The following LHFPL6 variants were observed in gnomAD, a reference collection of about 807,000 sequenced individuals.
The protein encoded by LHFPL6 is LHFPL tetraspan subfamily member 6 protein.
Under a neutral mutation model 20.6 loss-of-function variants are expected in LHFPL6, and 9 were observed. The observed-to-expected ratio is 0.44, with a 90% CI of 0.26 to 0.76. LHFPL6 has a LOEUF of 0.76. Ranked by LOEUF, LHFPL6 falls within the 30% of genes least tolerant of loss-of-function variation. The probability of loss-of-function intolerance (pLI) is 0.20; values close to 1 mark genes in which losing one functional copy is unlikely to be tolerated. For missense variants in LHFPL6, 218 were observed against 253.5 expected, an observed-to-expected ratio of 0.86 and a Z score of 0.95; for synonymous variants, 105 against 98.7, an observed-to-expected ratio of 1.06 and a Z score of -0.38.
At chr13:39,560,667 C>A (rs927271498) in intron 2 of LHFPL6, among the ~76,000 whole-genome samples, 1 of 151,968 alleles carries the variant, frequency 6.6e-6, no homozygotes, top group Non-Finnish European at 1.5e-5. Context: ...GGTGCCCGCC[C>A]CCACGCCCGG....
In LHFPL6 at chr13:39,585,428, C is replaced by T. The variant is rs576253122; in HGVS notation, c.385+15404G>A. On this transcript the variant is annotated intron_variant, in intron 2 of 3. Transcript: ENST00000379589. ...CAATGCAATTGGCTCTTGGGACATA[C>T]CATGAGCATTAACTCATAGACAACA... Among the ~76,000 whole-genome samples, 4 of 152,272 alleles carry T rather than the reference C, an allele frequency of 2.6e-5. No individual in the cohort carries two copies. In the East Asian group the frequency reaches 7.7e-4, roughly 29 times the overall value.
chr13:39,531,791 C>G (rs887790201), intron 2 of LHFPL6, among the ~76,000 whole-genome samples: 4 of 152,072 alleles, frequency 2.6e-5, no homozygotes, highest in Non-Finnish European at 5.9e-5. Flanking sequence ...TATCATATTA[C>G]AGAACATAAT....
At chr13:39,570,925 C>T (rs956616486) in intron 2 of LHFPL6, among the ~76,000 whole-genome samples, 11 of 152,210 alleles carry the variant, frequency 7.2e-5, no homozygotes, top group Admixed American at 7.2e-4. Context: ...CCATGGATAA[C>T]ATTCTTTATC....
At position 39,380,451 on chromosome 13, in the gene LHFPL6, T is replaced by A. The variant is rs1455458278; in HGVS notation, c.386-1925A>T. Among the ~76,000 whole-genome samples the A allele has an allele frequency of 4.0e-5, 6 of 151,158 alleles. No individual in the cohort carries two copies. The East Asian group carries it at 1.2e-3, about 29-fold the overall frequency. On this transcript the variant is annotated intron_variant, in intron 2 of 3. Coordinates refer to ENST00000379589, the MANE Select transcript of LHFPL6 (RefSeq NM_005780.3). ...AAGTTTCATCTGTATTTACAGCCAC[T>A]CCCCATTGCTCACATTACCACATGA...
intron 2 of LHFPL6, among the ~76,000 whole-genome samples, chr13:39,481,674 A>T (rs1295988599): frequency 6.6e-6 from 1 of 152,210 alleles, no homozygotes; most frequent in African/African-American, 2.4e-5. Flanking sequence ...TGGGACTGTA[A>T]CACAAAAAGG....
At chr13:39,379,043 C>T (rs1193869057) in intron 2 of LHFPL6, among the ~76,000 whole-genome samples, 1 of 152,048 alleles carries the variant, frequency 6.6e-6, no homozygotes, top group Admixed American at 6.6e-5. Context: ...CTGAACGGTA[C>T]TGCCCATTAT....
chr13:39,464,299 C>A (rs1033575486), intron 2 of LHFPL6, among the ~76,000 whole-genome samples: 3 of 152,042 alleles, frequency 2.0e-5, no homozygotes, highest in African/African-American at 7.2e-5. Context: ...AATTTTGATA[C>A]AAACCAATAA....
chr13:39,441,136 A>C (rs79351622), intron 2 of LHFPL6, among the ~76,000 whole-genome samples: 1 of 117,118 alleles, frequency 8.5e-6, no homozygotes, highest in African/African-American at 3.4e-5. Context: ...CATGCCAACT[A>C]ATTTTTTTTT....
intron 2 of LHFPL6, among the ~76,000 whole-genome samples, chr13:39,491,700 T>C (rs1868930415): frequency 1.3e-5 from 2 of 152,216 alleles, no homozygotes; most frequent in African/African-American, 4.8e-5. Context: ...AAAGTAGGGC[T>C]GTCCAATACA....
intron 2 of LHFPL6, among the ~76,000 whole-genome samples, chr13:39,518,821 A>T (rs1186985389): frequency 1.3e-5 from 2 of 152,230 alleles, no homozygotes; most frequent in Non-Finnish European, 2.9e-5. Flanking sequence ...AGGCCCAAAC[A>T]CGTGTCTACT....
rs1555264221 is a variant in LHFPL6, at chr13:39,479,080, T to TAGAC, written c.386-100558_386-100555dup. Among the ~76,000 whole-genome samples the TAGAC allele has an allele frequency of 5.5e-3, 806 of 147,342 alleles. 9 individuals carry two copies. Among genetic ancestry groups the TAGAC allele is most frequent in the African/African-American group, 0.019 (743 of 39,862 alleles). On this transcript the variant is annotated intron_variant, in intron 2 of 3. Transcript: ENST00000379589. The stretch of plus-strand genomic sequence containing the variant: ...ATAGATAGATAGATAGATAGATAGA[T>TAGAC]AGACAGACATAGGTTGATCTCTACC...
intron 2 of LHFPL6, among the ~76,000 whole-genome samples, chr13:39,562,417 C>CATATACATATATACATATATACAT (rs1555268241): frequency 1.1e-3 from 64 of 57,890 alleles, no homozygotes; most frequent in African/African-American, 3.2e-3. Context: ...CACATATACA[C>CATATACATATATACATATATACAT]ATATACATAT....
chr13:39,522,998 A>C (rs756102923), intron 2 of LHFPL6, among the ~76,000 whole-genome samples: 17 of 152,192 alleles, frequency 1.1e-4, no homozygotes, highest in Non-Finnish European at 2.1e-4. Context: ...GCAATATTCA[A>C]ATGTAAGATG....
At chr13:39,434,579 A>G (rs896910727) in intron 2 of LHFPL6, among the ~76,000 whole-genome samples, 10 of 152,220 alleles carry the variant, frequency 6.6e-5, no homozygotes, top group Admixed American at 4.6e-4. Context: ...TTGCAATGTT[A>G]CTACCCATTT....
intron 2 of LHFPL6, among the ~76,000 whole-genome samples, chr13:39,427,950 C>T (rs73458868): frequency 0.028 from 4,289 of 152,310 alleles, 175 homozygotes; most frequent in African/African-American, 0.09. Flanking sequence ...CTTCCTCCTA[C>T]TCCAGCCATG....
intron 2 of LHFPL6, among the ~76,000 whole-genome samples, chr13:39,457,870 A>C (rs1025107545): frequency 1.3e-5 from 2 of 152,224 alleles, no homozygotes; most frequent in Admixed American, 1.3e-4. Flanking sequence ...CTGCCTGTTC[A>C]TATAGAAAAG....
chr13:39,390,974 G>C (rs1870694739), intron 2 of LHFPL6, among the ~76,000 whole-genome samples: 1 of 152,188 alleles, frequency 6.6e-6, no homozygotes, highest in African/African-American at 2.4e-5. Flanking sequence ...TCCAGCCTGG[G>C]AGACAGAGCG....
intron 2 of LHFPL6, among the ~76,000 whole-genome samples, chr13:39,553,877 C>T (rs572011769): frequency 2.0e-5 from 3 of 152,332 alleles, no homozygotes; most frequent in East Asian, 1.9e-4. Context: ...AATTTCCCTG[C>T]CGATGGCAGA....
chr13:39,593,430 G>A (rs1872671291), intron 2 of LHFPL6, among the ~76,000 whole-genome samples: 1 of 152,062 alleles, frequency 6.6e-6, no homozygotes, highest in Admixed American at 6.6e-5. Flanking sequence ...CCTCTTCAAG[G>A]AGAACTACAA....
Sources: gnomAD v4.1 joint callset for allele counts (sites outside exome capture counted in the v4.1 genomes callset) on GRCh38, gnomAD v4.1.1 for gene constraint, MANE v1.5 for transcripts, NCBI Gene and HGNC (gene_info 2026-07-23, HGNC 2026-07-21) for gene names.